ABCG1: variants seen among roughly 807,000 people sequenced by gnomAD.
The protein encoded by ABCG1 is ATP binding cassette subfamily G member 1.
ABCG1 carries 29 observed loss-of-function variants against 69.2 expected under a neutral mutation model. The ratio of observed to expected loss-of-function variants is 0.42; its 90% CI spans 0.31 to 0.57. The LOEUF is 0.57. ABCG1 is among the 20% of genes least tolerant of loss of function. The pLI is 0.15. For missense variants in ABCG1, 718 were observed against 898.1 expected (o/e 0.80, Z 2.56); for synonymous variants, 370 against 374.8 (o/e 0.99, Z 0.15).
intron 2 of ABCG1, among the ~76,000 whole-genome samples, chr21:42,250,370 C>T (rs2068200350): frequency 2.0e-5 from 3 of 152,160 alleles, no homozygotes; most frequent in Admixed American, 6.5e-5. Context: ...CAGTTCACTT[C>T]CCATTCCCTG....
At chr21:42,247,184 A>C (rs1656163828) in intron 2 of ABCG1, among the ~76,000 whole-genome samples, 1 of 152,246 alleles carries the variant, frequency 6.6e-6, no homozygotes. Context: ...GGGAAAAAGC[A>C]TCTTGTCTTC....
intron 2 of ABCG1, among the ~76,000 whole-genome samples, chr21:42,229,830 G>C (rs1601359584): frequency 1.3e-5 from 2 of 152,298 alleles, no homozygotes. Context: ...TCACTCAAAG[G>C]CAGAGCCAGG....
Position 42,287,956 on chromosome 21 carries a change from C to T in ABCG1, c.1041C>T (p.Gly347=). 6.2e-7 allele frequency: 1 copy of T among 1,613,736 alleles called. No homozygotes were observed. Among genetic ancestry groups the T allele is most frequent in the Non-Finnish European group, 8.5e-7 (1 of 1,179,760 alleles). Residue 347 remains glycine (G), a synonymous_variant, in exon 9 of 15, where the codon GGC becomes GGT. Coordinates refer to ENST00000398449, the MANE Select transcript of ABCG1 (RefSeq NM_016818.3). This position sits in a 1 kb window ranked among gnomAD's most constrained non-coding sequence, Gnocchi z 6.2. ...GGCTGGTGAGAGCGGTTCGGGAGGGCATGTGTGACTCAGACCACAAGAGAG... is the reference window on the plus strand; with the variant it reads ...GGCTGGTGAGAGCGGTTCGGGAGGGTATGTGTGACTCAGACCACAAGAGAG... The part of the protein sequence containing the change: ...NSRLVRAVRE[G]MCDSDHKRDL...
At chr21:42,208,403 A>T (rs2067560451) in intron 2 of ABCG1, among the ~76,000 whole-genome samples, 1 of 152,032 alleles carries the variant, frequency 6.6e-6, no homozygotes, top group Non-Finnish European at 1.5e-5. Flanking sequence ...GAGTCTCCTT[A>T]TGTTGGTTTT....
intron 2 of ABCG1, among the ~76,000 whole-genome samples, chr21:42,251,757 G>A (rs1260054634): frequency 9.9e-5 from 15 of 152,228 alleles, no homozygotes. Flanking sequence ...CCCAGAGAGA[G>A]CTGGGAGACT....
Position 42,286,005 on chromosome 21 carries a change from T to C in ABCG1, c.973+11T>C, listed in dbSNP as rs201502859. 6.3e-7 allele frequency: 1 copy of C among 1,577,442 alleles called. No homozygotes were observed. Among genetic ancestry groups the C allele is most frequent in the East Asian group, 2.2e-5 (1 of 44,674 alleles). ...ACCCAGCAGATTTTGGTAAGCGGAG[T>C]CCTGAGCAGCTCGGGGGACAGAAAG... On this transcript the variant is annotated intron_variant, in intron 8 of 14. Coordinates refer to ENST00000398449, the MANE Select transcript of ABCG1 (RefSeq NM_016818.3).
intron 2 of ABCG1, among the ~76,000 whole-genome samples, chr21:42,261,601 G>A (rs1238638477): frequency 6.6e-6 from 1 of 152,152 alleles, no homozygotes. Flanking sequence ...GGGACTGCCC[G>A]CTTGTGAGGA....
chr21:42,205,209 T>C (rs1048042259), intron 2 of ABCG1, among the ~76,000 whole-genome samples: 1 of 152,210 alleles, frequency 6.6e-6, no homozygotes, highest in African/African-American at 2.4e-5. Context: ...TGGATGCTTG[T>C]GGGATCTGTA....
intron 2 of ABCG1, among the ~76,000 whole-genome samples, chr21:42,232,534 G>A (rs2067915773): frequency 6.6e-6 from 1 of 152,242 alleles, no homozygotes; most frequent in African/African-American, 2.4e-5. Flanking sequence ...CCCAGAGAGT[G>A]CTCCTGTTCT....
upstream of ABCG1, among the ~76,000 whole-genome samples, chr21:42,211,079 C>G (rs2067584823): frequency 6.6e-6 from 1 of 151,920 alleles, no homozygotes; most frequent in African/African-American, 2.4e-5. Flanking sequence ...CCTGCCTCAG[C>G]CTCTGGAGTA....
intron 2 of ABCG1, among the ~76,000 whole-genome samples, chr21:42,265,000 G>T (rs77440006): frequency 8.3e-4 from 127 of 152,306 alleles, no homozygotes; most frequent in African/African-American, 3.0e-3. Flanking sequence ...GGGCCCTTTG[G>T]CTGAGCTCCT....
Position 42,219,743 on chromosome 21 carries a change from G to C in ABCG1, c.42+439G>C, listed in dbSNP as rs1346363989. 5.4e-6 allele frequency: 7 copies of C among 1,297,320 alleles called. No homozygotes were observed. The highest frequency in any genetic ancestry group is 6.1e-6 in the Non-Finnish European group (6 of 985,860). The allele number at this position is 1,297,320 out of a possible 1,614,324, so 80.4% of individuals were successfully genotyped here. A position where few individuals can be genotyped will look rare whatever the true frequency, so the allele number is the denominator to read the frequency against. Reference sequence around the variant, plus strand: ...CGCGCGGCTGTGGGCTTGGGGACCGGGGACTTCTCGCGCCATCCCCAGGAA... The same window carrying C: ...CGCGCGGCTGTGGGCTTGGGGACCGCGGACTTCTCGCGCCATCCCCAGGAA... On this transcript the variant is annotated intron_variant, in intron 1 of 14. Transcript: ENST00000398449. The surrounding 1 kb of genome is among the most constrained non-coding windows in gnomAD (Gnocchi z 5.3).
chr21:42,229,804 C>T (rs1020278622), intron 2 of ABCG1, among the ~76,000 whole-genome samples: 5 of 152,160 alleles, frequency 3.3e-5, no homozygotes, highest in African/African-American at 9.7e-5. Flanking sequence ...AACAGGAGCT[C>T]GGGCGCAGAG....
At position 42,291,397 on chromosome 21, in the gene ABCG1, G is replaced by A; in HGVS notation, c.1495-101G>A. On this transcript the variant is annotated intron_variant, in intron 12 of 14. Transcript: ENST00000398449. The surrounding 1 kb of genome is among the most constrained non-coding windows in gnomAD (Gnocchi z 6.4). ...GGAAGGACCCGACTTTGGGAGCTCT[G>A]GCGGGAGCTGCGGGGAAGGGCTGGC... The A allele has an allele frequency of 6.7e-7, 1 of 1,496,630 alleles. No individual in the cohort carries two copies. 92.7% of individuals were successfully genotyped at this position (1,496,630 alleles called of 1,614,324 possible). A position where few individuals can be genotyped will look rare whatever the true frequency, so the allele number is the denominator to read the frequency against.
chr21:42,231,911 G>A (rs576746455), intron 2 of ABCG1, among the ~76,000 whole-genome samples: 5 of 152,358 alleles, frequency 3.3e-5, no homozygotes, highest in African/African-American at 1.2e-4. Context: ...CTGGTGCAGT[G>A]TCGTGGCCCC....
chr21:42,213,492 C>T (rs2067609409), upstream of ABCG1, among the ~76,000 whole-genome samples: 1 of 152,250 alleles, frequency 6.6e-6, no homozygotes, highest in African/African-American at 2.4e-5. Flanking sequence ...CAGAGAGCCC[C>T]CACCAGGACA....
chr21:42,221,450 G>A (rs2067725070), intron 1 of ABCG1, among the ~76,000 whole-genome samples: 1 of 152,146 alleles, frequency 6.6e-6, no homozygotes, highest in African/African-American at 2.4e-5. Flanking sequence ...AGGTACTTGG[G>A]GGTGAGCCAG....
intron 2 of ABCG1, chr21:42,206,950 A>G (rs917869477): frequency 6.6e-6 from 1 of 151,394 alleles, no homozygotes; most frequent in Non-Finnish European, 1.5e-5. Flanking sequence ...TTTCAGTGAG[A>G]AATATGCTGT....
rs138334380 is a variant in ABCG1 at position 42,253,003 on chromosome 21, G to C, written c.287-18067G>C. ...GTTCTGCAGAGCACCTGGCAGGAGA[G>C]ACTCGCCTTCCCAGTCTCGGCACGC... On this transcript the variant is annotated intron_variant, in intron 2 of 14. Coordinates refer to ENST00000398449, the MANE Select transcript of ABCG1 (RefSeq NM_016818.3). 1.9e-3 allele frequency among the ~76,000 whole-genome samples: 282 copies of C among 152,284 alleles called. 5 individuals carry two copies. The East Asian group carries it at 0.036, about 20-fold the overall frequency.
Sources: allele counts gnomAD v4.1 joint callset (sites outside exome capture counted in the v4.1 genomes callset), GRCh38; gene constraint gnomAD v4.1.1; non-coding constraint Gnocchi (gnomAD v3.1); transcripts MANE v1.5; gene names NCBI Gene and HGNC (gene_info 2026-07-23, HGNC 2026-07-21).